FBXW5: variants seen among roughly 807,000 people sequenced by gnomAD.
The protein encoded by FBXW5 is F-box/WD repeat-containing protein 5.
Under a neutral mutation model 50.9 loss-of-function variants are expected in FBXW5, and 74 were observed. The observed-to-expected ratio is 1.45, with a 90% CI of 1.20 to 1.76. FBXW5 has a LOEUF of 1.76. Among genes scored for constraint, FBXW5 ranks in the 40% most tolerant of loss-of-function variants. The pLI is 0.00. For synonymous variants in FBXW5, 523 were observed against 362.2 expected, an observed-to-expected ratio of 1.44 and a Z score of -5.04; for missense variants, 1,073 against 818.8, an observed-to-expected ratio of 1.31 and a Z score of -3.79.
At position 136,943,303 on chromosome 9, in the gene FBXW5, T is replaced by C. The variant is rs1426439671; in HGVS notation, c.351+46A>G. 4.4e-6 allele frequency: 6 copies of C among 1,353,308 alleles called. No individual in the cohort carries two copies. In the Admixed American group the frequency reaches 1.1e-4, roughly 26 times the overall value. The allele number at this position is 1,353,308 out of a possible 1,614,324, so 83.8% of individuals were successfully genotyped here. On this transcript the variant is annotated intron_variant, in intron 3 of 8. Transcript: ENST00000325285. Reference sequence around the variant, plus strand: ...CGCCTGGGTCCTGGGACCTCCGTGCTGCGGCAGAGCTGGGTGGGGTGTGCA... The same window carrying C: ...CGCCTGGGTCCTGGGACCTCCGTGCCGCGGCAGAGCTGGGTGGGGTGTGCA...
chr9:136,944,390 G>T, intron 1 of FBXW5: 2 of 719,370 alleles, frequency 2.8e-6, no homozygotes, highest in African/African-American at 3.8e-5. Context: ...GACACCAGGC[G>T]CCGTCCGGGG....
rs765495822 is a variant in FBXW5, at chr9:136,944,058, A to T, written c.26T>A (p.Leu9His). The part of the protein sequence containing the change: MDEGGTPL[L>H]PDSLVYQIFL... The stretch of plus-strand genomic sequence containing the variant: ...GATCTGGTAGACCAGGCTGTCGGGG[A>T]GCAGGGGCGTGCCGCCCTCGTCCAT... Residue 9 changes from leucine (L) to histidine (H), a missense_variant, in exon 2 of 9, where the codon CTC becomes CAC. Coordinates refer to ENST00000325285, the MANE Select transcript of FBXW5 (RefSeq NM_018998.4). 5.6e-6 allele frequency: 9 copies of T among 1,601,928 alleles called. No homozygotes were observed. The South Asian group carries it at 1.0e-4, about 18-fold the overall frequency.
Position 136,942,572 on chromosome 9 carries a change from A to G in FBXW5, c.650T>C (p.Val217Ala), listed in dbSNP as rs761571145. ...CTGGAAGGCATTGTTGAGCCACAGC[A>G]CCGAGCAGGAGGTGATATCTCCGAT... ...HRIGDITSCS[V>A]LWLNNAFQDV... is the part of the protein sequence containing the mutation. The change falls in exon 5 of 9, where the codon GTG becomes GCG. Residue 217 changes from valine to alanine, a missense_variant. By Grantham distance (64) the Val-to-Ala change is moderately conservative (BLOSUM62 0). Transcript: ENST00000325285. 2.5e-6 allele frequency: 4 copies of G among 1,611,778 alleles called. No individual in the cohort carries two copies. In the South Asian group the frequency reaches 3.3e-5, roughly 13 times the overall value.
rs139502785 is a variant in FBXW5, at chr9:136,941,650, C to T, written c.1131G>A (p.Thr377=). 99 of 1,569,274 alleles carry T rather than the reference C, an allele frequency of 6.3e-5. No individual in the cohort carries two copies. Among genetic ancestry groups the T allele is most frequent in the Middle Eastern group, 5.0e-4 (3 of 6,014 alleles). The change falls in exon 7 of 9, where the codon ACG becomes ACA. Residue 377 remains threonine, a synonymous_variant. Transcript: ENST00000325285. ...GGCCCTCACCCAGCACGGGCCCTGC[C>T]GTGGTCATCTGGTGTGGCAGGATCT... The part of the protein sequence containing the change: ...IKQILPHQMT[T]AGPVLGEGRG...
At chr9:136,944,416 G>A (rs1850952481) in intron 1 of FBXW5, 178 bp downstream of exon 1, 3 of 845,572 alleles carry the variant, frequency 3.5e-6, no homozygotes, top group South Asian at 1.1e-4. Flanking sequence ...CTTCCGCCGA[G>A]AGGAAGCTCG....
In FBXW5 at chr9:136,942,421, T is replaced by G; in HGVS notation, c.721A>C (p.Ile241Leu). Residue 241 changes from isoleucine (I) to leucine (L), a missense_variant, in exon 6 of 9, where the codon ATC becomes CTC. Coordinates refer to ENST00000325285, the MANE Select transcript of FBXW5 (RefSeq NM_018998.4). Reference protein sequence around the residue: ...NVNVVKRLFKIQNLNASTVRT... With the variant: ...NVNVVKRLFKLQNLNASTVRT... ...ACGGTGCTGGCATTGAGGTTCTGGA[T>G]CTTGAACAGCCGCTTCACCACGTTG... 6.2e-7 allele frequency: 1 copy of G among 1,603,738 alleles called. No homozygotes were observed. Among genetic ancestry groups the G allele is most frequent in the Non-Finnish European group, 8.5e-7 (1 of 1,172,810 alleles).
At position 136,941,600 on chromosome 9, in the gene FBXW5, G is replaced by A. The variant is rs370063089; in HGVS notation, c.1181C>T (p.Ala394Val). ...GTGTATGTCTATGACGTGGTCCAGC[G>A]CGTCGAAGAAGGCATCGGAGCCCCG... ...EGRGSDAFFDALDHVIDIHGH... is the reference protein window; with the variant it reads ...EGRGSDAFFDVLDHVIDIHGH... The change falls in exon 7 of 9, where the codon GCG becomes GTG. Residue 394 changes from alanine (A) to valine (V), a missense_variant. By Grantham distance (64) the Ala-to-Val change is moderately conservative (BLOSUM62 0). Transcript: ENST00000325285. 34 of 1,603,048 alleles carry A rather than the reference G, an allele frequency of 2.1e-5. No individual in the cohort carries two copies. The highest frequency in any genetic ancestry group is 7.8e-5 in the South Asian group (7 of 89,708).
At position 136,941,043 on chromosome 9, in the gene FBXW5, G is replaced by A. The variant is rs1364620066; in HGVS notation, c.1586C>T (p.Ala529Val). ...SPQEQELLLT[A>V]SDDATIKAWR... ...GGCTTTGATGGTGGCGTCGTCGCTG[G>A]CCGTGAGCAGCAGCTCCTGCTCCTG... Residue 529 changes from alanine to valine, a missense_variant, in exon 9 of 9, where the codon GCC becomes GTC. Physicochemically the swap from Ala to Val is moderately conservative, Grantham distance 64 (BLOSUM62 0). Transcript: ENST00000325285. 1 of 1,554,832 alleles carries A rather than the reference G, an allele frequency of 6.4e-7. No homozygotes were observed. Among genetic ancestry groups the A allele is most frequent in the Non-Finnish European group, 8.7e-7 (1 of 1,149,094 alleles).
Position 136,944,647 on chromosome 9 carries a change from T to G in FBXW5, c.-77A>C, listed in dbSNP as rs1048001915. 1 of 978,742 alleles carries G rather than the reference T, an allele frequency of 1.0e-6. No individual in the cohort carries two copies. The highest frequency in any genetic ancestry group is 1.2e-6 in the Non-Finnish European group (1 of 823,704). The allele number at this position is 978,742 out of a possible 1,614,324, so 60.6% of individuals were successfully genotyped here. On this transcript the variant is annotated 5_prime_UTR_variant, in exon 1 of 9. Coordinates refer to ENST00000325285, the MANE Select transcript of FBXW5 (RefSeq NM_018998.4). ...CCCGCCCTGCGCGACCCGGACCCGC[T>G]TCCGCTGCCGCAGCCGCTCGGACCG...
rs1564435851 is a variant in FBXW5, at chr9:136,942,764, C to G, written c.526+5G>C. The G allele has an allele frequency of 6.2e-7, 1 of 1,612,424 alleles. No individual in the cohort carries two copies. The highest frequency in any genetic ancestry group is 8.5e-7 in the Non-Finnish European group (1 of 1,179,830). On this transcript the variant is annotated splice_donor_5th_base_variant and intron_variant, in intron 4 of 8. Coordinates refer to ENST00000325285, the MANE Select transcript of FBXW5 (RefSeq NM_018998.4). ...GGGCAGGGTCAACCCGCCGCCCGTGCTCACCTAGGCTGATGACAGCAATCT... is the reference window on the plus strand; with the variant it reads ...GGGCAGGGTCAACCCGCCGCCCGTGGTCACCTAGGCTGATGACAGCAATCT...
At position 136,941,063 on chromosome 9, in the gene FBXW5, C is replaced by A. The variant is rs1186432889; in HGVS notation, c.1566G>T (p.Glu522Asp). The A allele has an allele frequency of 6.4e-7, 1 of 1,559,200 alleles. No homozygotes were observed. ...CGCTGGCCGTGAGCAGCAGCTCCTG[C>A]TCCTGGGGACTGAAGACCACTGAGT... The part of the protein sequence containing the change: ...VVNSVVFSPQ[E>D]QELLLTASDD... The change falls in exon 9 of 9, where the codon GAG becomes GAT. Residue 522 changes from glutamate (E) to aspartate (D), a missense_variant. Glu to Asp is a conservative substitution (Grantham distance 45). Transcript: ENST00000325285.
rs376753824 is a variant in FBXW5, at chr9:136,942,498, C to T, written c.676-32G>A. 1.3e-4 allele frequency: 208 copies of T among 1,597,932 alleles called. 2 individuals are homozygous for T. The African/African-American group carries it at 1.9e-3, about 15-fold the overall frequency. ...GCGGGGGCACGTGCCAGGTGGGCGC[C>T]GGGCGCCAGGCCCCAGGAGGGCAGC... On this transcript the variant is annotated intron_variant, in intron 5 of 8. Coordinates refer to ENST00000325285, the MANE Select transcript of FBXW5 (RefSeq NM_018998.4).
At chr9:136,943,769 G>A (rs1850908565) in intron 2 of FBXW5, 122 bp downstream of exon 2, 2 of 1,182,946 alleles carry the variant, frequency 1.7e-6, no homozygotes, top group Non-Finnish European at 2.4e-6. Context: ...CTATCAGGGT[G>A]TGGGGGGGTG....
Position 136,942,323 on chromosome 9 carries a change from G to C in FBXW5, c.819C>G (p.Ala273=). 1 of 1,599,940 alleles carries C rather than the reference G, an allele frequency of 6.3e-7. No homozygotes were observed. The highest frequency in any genetic ancestry group is 8.5e-7 in the Non-Finnish European group (1 of 1,174,330). Residue 273 remains alanine, a synonymous_variant, in exon 6 of 9, where the codon GCC becomes GCG. Transcript: ENST00000325285. ...GGTCAAAGATGCGGCAGGGGGACGT[G>C]GCCGGGTCACCGGCTTCCAGCAGCA... ...PDLLLEAGDP[A]TSPCRIFDLG...
rs773302334 is a variant in FBXW5, at chr9:136,942,449, G to A, written c.693C>T (p.Asn231=). 38 of 1,600,136 alleles carry A rather than the reference G, an allele frequency of 2.4e-5. No individual in the cohort carries two copies. Among genetic ancestry groups the A allele is most frequent in the African/African-American group, 4.0e-5 (3 of 74,612 alleles). ...NNAFQDVESE[N]VNVVKRLFKI... Reference sequence around the variant, plus strand: ...TGAACAGCCGCTTCACCACGTTGACGTTCTCTGACTCCACATCCTGGGGGC... The same window carrying A: ...TGAACAGCCGCTTCACCACGTTGACATTCTCTGACTCCACATCCTGGGGGC... The change falls in exon 6 of 9, where the codon AAC becomes AAT. Residue 231 remains asparagine, a synonymous_variant. Coordinates refer to ENST00000325285, the MANE Select transcript of FBXW5 (RefSeq NM_018998.4).
Position 136,941,190 on chromosome 9 carries a change from G to A in FBXW5, c.1458-19C>T, listed in dbSNP as rs759785463. On this transcript the variant is annotated intron_variant, in intron 8 of 8. Coordinates refer to ENST00000325285, the MANE Select transcript of FBXW5 (RefSeq NM_018998.4). ...CGCCCCGCTGCAGAACAGCGCCTGGGTGAGCCGGCCGCCCGCCCGCTGCTG... is the reference window on the plus strand; with the variant it reads ...CGCCCCGCTGCAGAACAGCGCCTGGATGAGCCGGCCGCCCGCCCGCTGCTG... 1.3e-6 allele frequency: 2 copies of A among 1,599,050 alleles called. No homozygotes were observed. Among genetic ancestry groups the A allele is most frequent in the East Asian group, 2.2e-5 (1 of 44,496 alleles).
chr9:136,940,796 G>GGC lies in FBXW5; in HGVS notation c.*130_*131dup. ...TGAGCAGGTTTGTGTGTGAGCGTGT[G>GGC]GCGGGGCCTGGTTGTCCCCTTCCTA... On this transcript the variant is annotated 3_prime_UTR_variant, in exon 9 of 9. Transcript: ENST00000325285. 7.5e-7 allele frequency: 1 copy of GGC among 1,339,292 alleles called. No homozygotes were observed. Among genetic ancestry groups the GGC allele is most frequent in the Non-Finnish European group, 1.0e-6 (1 of 999,986 alleles). The allele number at this position is 1,339,292 out of a possible 1,614,324, so 83.0% of individuals were successfully genotyped here.
rs11339872 is a variant in FBXW5 at position 136,943,248 on chromosome 9, ACCC to A, written c.351+98_351+100del. 140 of 723,818 alleles carry A rather than the reference ACCC, an allele frequency of 1.9e-4. 4 individuals are homozygous for A. Among genetic ancestry groups the A allele is most frequent in the Non-Finnish European group, 2.5e-4 (112 of 454,468 alleles). 44.8% of individuals were successfully genotyped at this position (723,818 alleles called of 1,614,324 possible). On this transcript the variant is annotated intron_variant, in intron 3 of 8. Coordinates refer to ENST00000325285, the MANE Select transcript of FBXW5 (RefSeq NM_018998.4). ...GCTGCTGTCACCTCTGGCCTGACCC[ACCC>A]CCCCCCCCACCACCACCTGGTTGGA...
chr9:136,944,667 G>T lies in FBXW5; in HGVS notation c.-97C>A. The T allele has an allele frequency of 1.0e-6, 1 of 985,692 alleles. No homozygotes were observed. The highest frequency in any genetic ancestry group is 4.5e-5 in the South Asian group (1 of 22,000). 61.1% of individuals were successfully genotyped at this position (985,692 alleles called of 1,614,324 possible). A position where few individuals can be genotyped will look rare whatever the true frequency, so the allele number is the denominator to read the frequency against. ...CCCGCTTCCGCTGCCGCAGCCGCTC[G>T]GACCGCCGCCCCCGCCCAACGGGGA... is the stretch of plus-strand genomic sequence containing the variant. On this transcript the variant is annotated 5_prime_UTR_variant, in exon 1 of 9. Coordinates refer to ENST00000325285, the MANE Select transcript of FBXW5 (RefSeq NM_018998.4).
Sources: allele counts gnomAD v4.1 joint callset, GRCh38; gene constraint gnomAD v4.1.1; transcripts MANE v1.5; gene names NCBI Gene and HGNC (gene_info 2026-07-23, HGNC 2026-07-21).